Variants in GUCY1A2 observed in about 807,000 individuals in gnomAD.
GUCY1A2 encodes the protein guanylate cyclase soluble subunit alpha-2.
In GUCY1A2, 27 loss-of-function variants were observed where a neutral mutation model predicts 63.5. The ratio of observed to expected loss-of-function variants is 0.43; its 90% CI spans 0.31 to 0.59. GUCY1A2 has a LOEUF of 0.59. Ranked by LOEUF, GUCY1A2 falls within the 20% of genes least tolerant of loss-of-function variation. The pLI, the probability that GUCY1A2 is intolerant of heterozygous loss-of-function variation, is 0.11. For missense variants in GUCY1A2, 768 were observed against 913.3 expected, an observed-to-expected ratio of 0.84 and a Z score of 2.05; for synonymous variants, 364 against 343.5, an observed-to-expected ratio of 1.06 and a Z score of -0.66.
intron 4 of GUCY1A2, among the ~76,000 whole-genome samples, chr11:106,814,401 T>C (rs528490597): frequency 6.6e-6 from 1 of 152,106 alleles, no homozygotes. Flanking sequence ...GAACTAGCTC[T>C]AGCTAAAAAA....
intron 7 of GUCY1A2, among the ~76,000 whole-genome samples, chr11:106,688,687 C>G (rs10502074): frequency 0.11 from 17,218 of 152,000 alleles, 1,011 homozygotes; most frequent in Middle Eastern, 0.14. Flanking sequence ...ACGTAATAGG[C>G]TAGATGCCAT....
At chr11:106,689,790 G>A (rs1207076917) in intron 7 of GUCY1A2, among the ~76,000 whole-genome samples, 5 of 152,038 alleles carry the variant, frequency 3.3e-5, no homozygotes, top group African/African-American at 7.2e-5. Flanking sequence ...TCAGGAGTTC[G>A]ATACCAGCCT....
In GUCY1A2 at chr11:106,687,516, C is replaced by T. The variant is rs1862547582; in HGVS notation, c.*33G>A. Reference sequence around the variant, plus strand: ...TGGTGACCCATGTTCTGGGCTTGTGCTTTTTGGAGGAGTCTTTGATCTGTA... The same window carrying T: ...TGGTGACCCATGTTCTGGGCTTGTGTTTTTTGGAGGAGTCTTTGATCTGTA... On this transcript the variant is annotated 3_prime_UTR_variant, in exon 8 of 8. Coordinates refer to ENST00000526355, the MANE Select transcript of GUCY1A2 (RefSeq NM_000855.3). The T allele has an allele frequency of 5.2e-6, 8 of 1,531,490 alleles. No individual in the cohort carries two copies. The East Asian group carries it at 1.8e-4, about 34-fold the overall frequency. 94.9% of individuals were successfully genotyped at this position (1,531,490 alleles called of 1,614,324 possible).
chr11:106,748,107 AT>A (rs1863821673), intron 6 of GUCY1A2, among the ~76,000 whole-genome samples: 1 of 152,228 alleles, frequency 6.6e-6, no homozygotes. Context: ...CTTTAAAAAA[AT>A]CCATTTGATT....
intron 3 of GUCY1A2, among the ~76,000 whole-genome samples, chr11:106,951,282 G>C (rs946330786): frequency 1.3e-5 from 2 of 152,150 alleles, no homozygotes; most frequent in African/African-American, 4.8e-5. Context: ...GGGTCAAATG[G>C]TATTTCTGGT....
intron 7 of GUCY1A2, among the ~76,000 whole-genome samples, chr11:106,699,532 T>C (rs980707151): frequency 5.3e-5 from 8 of 152,166 alleles, no homozygotes; most frequent in South Asian, 2.1e-4. Context: ...CCCATATAAA[T>C]AGGAATTATC....
intron 4 of GUCY1A2, among the ~76,000 whole-genome samples, chr11:106,915,930 AT>A (rs1860364027): frequency 1.4e-5 from 2 of 143,886 alleles, no homozygotes; most frequent in Non-Finnish European, 3.1e-5. Context: ...TATACACAAC[AT>A]TTTTATCTGT....
In GUCY1A2 at chr11:106,939,642, A is replaced by C. The variant is rs987446628; in HGVS notation, c.1024T>G (p.Leu342Val). 6.2e-7 allele frequency: 1 copy of C among 1,613,840 alleles called. No individual in the cohort carries two copies. The highest frequency in any genetic ancestry group is 8.5e-7 in the Non-Finnish European group (1 of 1,179,804). ...AGCTGCTTCCTTAGACCTTCCCCCAACTGAAGGACTGACATGCTGGGATCA... is the reference window on the plus strand; with the variant it reads ...AGCTGCTTCCTTAGACCTTCCCCCACCTGAAGGACTGACATGCTGGGATCA... The part of the protein sequence containing the change: ...MFDPSMSVLQ[L>V]GEGLRKQLRC... Residue 342 changes from leucine to valine, a missense_variant, in exon 4 of 8, where the codon TTG becomes GTG. Transcript: ENST00000526355.
chr11:106,790,096 G>A (rs1403008441), intron 5 of GUCY1A2, among the ~76,000 whole-genome samples: 1 of 152,180 alleles, frequency 6.6e-6, no homozygotes, highest in Admixed American at 6.5e-5. Context: ...TCACTGCAGT[G>A]AGTTACCCCA....
intron 1 of GUCY1A2, among the ~76,000 whole-genome samples, chr11:107,009,130 A>AC (rs112071657): frequency 2.6e-5 from 4 of 152,044 alleles, no homozygotes; most frequent in Non-Finnish European, 4.4e-5. Context: ...TAAATGAGAG[A>AC]CCCCCACCCA....
intron 5 of GUCY1A2, among the ~76,000 whole-genome samples, chr11:106,787,108 C>A (rs1049936901): frequency 7.1e-6 from 1 of 140,260 alleles, no homozygotes; most frequent in Non-Finnish European, 1.6e-5. Flanking sequence ...GTGGTGGTTT[C>A]TTTTTTATTA....
intron 1 of GUCY1A2, among the ~76,000 whole-genome samples, chr11:107,007,371 G>A (rs919012600): frequency 2.0e-5 from 3 of 152,132 alleles, no homozygotes; most frequent in African/African-American, 4.8e-5. Flanking sequence ...ATTTCAGATC[G>A]GTGTTCAAAC....
At position 106,929,381 on chromosome 11, in the gene GUCY1A2, T is replaced by G. The variant is rs570569662; in HGVS notation, c.1206+10079A>C. Among the ~76,000 whole-genome samples, 13 of 152,302 alleles carry G rather than the reference T, an allele frequency of 8.5e-5. 1 individual carries two copies. In the South Asian group the frequency reaches 2.3e-3, roughly 27 times the overall value. On this transcript the variant is annotated intron_variant, in intron 4 of 7. Transcript: ENST00000526355. ...AAACATACTTTATTGAGTTGAATTT[T>G]AAAAGCCACTATGTACTAAGCTTTG...
intron 1 of GUCY1A2, among the ~76,000 whole-genome samples, chr11:107,012,058 C>T (rs1861753521): frequency 6.6e-6 from 1 of 152,028 alleles, no homozygotes; most frequent in African/African-American, 2.4e-5. Context: ...ATATATATGT[C>T]CTTGTATTTT....
Position 106,940,787 on chromosome 11 carries a change from C to T in GUCY1A2, c.488-609G>A, listed in dbSNP as rs111975456. Among the ~76,000 whole-genome samples, 172 of 152,298 alleles carry T rather than the reference C, an allele frequency of 1.1e-3. 1 individual carries two copies. Among genetic ancestry groups the T allele is most frequent in the African/African-American group, 3.8e-3 (160 of 41,576 alleles). Reference sequence around the variant, plus strand: ...TTTAAATGTTGCTAATCTAGCTGTTCACCTTTCAATAGCCTTGCAGTAGTT... The same window carrying T: ...TTTAAATGTTGCTAATCTAGCTGTTTACCTTTCAATAGCCTTGCAGTAGTT... On this transcript the variant is annotated intron_variant, in intron 3 of 7. Coordinates refer to ENST00000526355, the MANE Select transcript of GUCY1A2 (RefSeq NM_000855.3).
intron 4 of GUCY1A2, among the ~76,000 whole-genome samples, chr11:106,901,934 C>T (rs1246190821): frequency 6.6e-6 from 1 of 152,046 alleles, no homozygotes; most frequent in African/African-American, 2.4e-5. Context: ...GTGAATAGTG[C>T]CGCAATAACA....
At chr11:106,842,033 G>A (rs1859205555) in intron 4 of GUCY1A2, among the ~76,000 whole-genome samples, 1 of 151,788 alleles carries the variant, frequency 6.6e-6, no homozygotes, top group African/African-American at 2.4e-5. Flanking sequence ...AGTTGGGTTT[G>A]GCCAATGGTA....
intron 7 of GUCY1A2, among the ~76,000 whole-genome samples, chr11:106,700,779 G>A (rs1366100694): frequency 1.3e-5 from 2 of 151,676 alleles, no homozygotes; most frequent in Admixed American, 1.3e-4. Context: ...AATCACTAGT[G>A]CAGATGAGCA....
rs1440603596 is a variant in GUCY1A2, at chr11:106,680,226, G to A, written c.*7323C>T. 1.4e-5 allele frequency: 3 copies of A among 212,160 alleles called. No homozygotes were observed. Among genetic ancestry groups the A allele is most frequent in the Admixed American group, 1.2e-4 (2 of 17,048 alleles). The allele number at this position is 212,160 out of a possible 1,614,324, so 13.1% of individuals were successfully genotyped here. On this transcript the variant is annotated 3_prime_UTR_variant, in exon 8 of 8. Coordinates refer to ENST00000526355, the MANE Select transcript of GUCY1A2 (RefSeq NM_000855.3). ...CAAAGAAGTGTCTTCAGAAAGTGAG[G>A]TATGAAGAAACAATTTTGCACATTC...
Sources: allele counts gnomAD v4.1 joint callset (sites outside exome capture counted in the v4.1 genomes callset), GRCh38; gene constraint gnomAD v4.1.1; transcripts MANE v1.5; gene names NCBI Gene and HGNC (gene_info 2026-07-23, HGNC 2026-07-21).